GRIA4: variants seen among roughly 807,000 people sequenced by gnomAD.
The protein encoded by GRIA4 is glutamate ionotropic receptor AMPA type subunit 4, also known as glutamate receptor 4.
GRIA4 carries 34 observed loss-of-function variants against 104.0 expected under a neutral mutation model. The ratio of observed to expected loss-of-function variants is 0.33; its 90% CI spans 0.25 to 0.44. GRIA4 has a LOEUF of 0.44. GRIA4 is among the 20% of genes least tolerant of loss of function. GRIA4 has a pLI of 1.00. For synonymous variants in GRIA4, 386 were observed against 381.9 expected (o/e 1.01, Z -0.13); for missense variants, 750 against 1,096.5 (o/e 0.68, Z 4.46).
At chr11:105,934,789 T>G (rs1947983885) in intron 14 of GRIA4, among the ~76,000 whole-genome samples, 1 of 152,160 alleles carries the variant, frequency 6.6e-6, no homozygotes, top group Non-Finnish European at 1.5e-5. Flanking sequence ...GAGGCAGAAT[T>G]TCCTCTTTTC....
At chr11:105,751,951 A>G (rs1940023421) in intron 3 of GRIA4, among the ~76,000 whole-genome samples, 1 of 152,228 alleles carries the variant, frequency 6.6e-6, no homozygotes, top group African/African-American at 2.4e-5. Context: ...ACATAAGCCA[A>G]GAAGAAATAG....
chr11:105,797,096 C>G (rs1942508542), intron 4 of GRIA4, among the ~76,000 whole-genome samples: 1 of 152,062 alleles, frequency 6.6e-6, no homozygotes. Context: ...ATAGTCCCAG[C>G]TACTCCAGAG....
At chr11:105,616,644 G>T (rs1219398412) in intron 3 of GRIA4, among the ~76,000 whole-genome samples, 1 of 151,546 alleles carries the variant, frequency 6.6e-6, no homozygotes, top group East Asian at 1.9e-4. Context: ...CATTCTAAGA[G>T]TTTACACTGG....
intron 4 of GRIA4, among the ~76,000 whole-genome samples, chr11:105,783,637 T>G (rs1035552151): frequency 6.6e-6 from 1 of 152,148 alleles, no homozygotes; most frequent in African/African-American, 2.4e-5. Flanking sequence ...CAAAATACAT[T>G]GGATATTTTT....
At chr11:105,646,319 C>A (rs1236140066) in intron 3 of GRIA4, among the ~76,000 whole-genome samples, 1 of 152,078 alleles carries the variant, frequency 6.6e-6, no homozygotes, top group South Asian at 2.1e-4. Context: ...TCAAGATGGA[C>A]GTGGTGGCTC....
intron 3 of GRIA4, among the ~76,000 whole-genome samples, chr11:105,732,032 TAAG>T (rs1938628280): frequency 1.3e-5 from 2 of 151,828 alleles, no homozygotes; most frequent in South Asian, 4.2e-4. Flanking sequence ...TAATAAAAAA[TAAG>T]AAGGAGGTTA....
chr11:105,915,023 A>C (rs969367754), intron 10 of GRIA4, among the ~76,000 whole-genome samples: 12 of 152,044 alleles, frequency 7.9e-5, no homozygotes, highest in African/African-American at 2.9e-4. Flanking sequence ...AGCATGGGGG[A>C]AATGAGGAGG....
chr11:105,637,331 TA>T (rs1247973325), intron 3 of GRIA4, among the ~76,000 whole-genome samples: 1 of 152,224 alleles, frequency 6.6e-6, no homozygotes, highest in Non-Finnish European at 1.5e-5. Flanking sequence ...AATTTTATTA[TA>T]ATATAATTGC....
intron 3 of GRIA4, among the ~76,000 whole-genome samples, chr11:105,643,441 C>A (rs368163905): frequency 2.0e-5 from 3 of 152,148 alleles, no homozygotes; most frequent in Non-Finnish European, 2.9e-5. Context: ...ATTTAACCAG[C>A]TTTAAAGCTG....
intron 4 of GRIA4, among the ~76,000 whole-genome samples, chr11:105,820,721 A>C (rs551047077): frequency 2.0e-5 from 3 of 152,074 alleles, no homozygotes; most frequent in Admixed American, 6.6e-5. Context: ...GGTGATTCAT[A>C]GTCTATAGCA....
intron 4 of GRIA4, among the ~76,000 whole-genome samples, chr11:105,810,998 T>C (rs1405615754): frequency 2.6e-5 from 4 of 152,218 alleles, no homozygotes; most frequent in Non-Finnish European, 4.4e-5. Context: ...GCAATCCTTA[T>C]TGTAGTGCTA....
chr11:105,655,827 T>C (rs894303844), intron 3 of GRIA4, among the ~76,000 whole-genome samples: 2 of 152,210 alleles, frequency 1.3e-5, no homozygotes, highest in Non-Finnish European at 2.9e-5. Context: ...GAATGATTTA[T>C]AATCCTTTGA....
At chr11:105,753,565 A>G (rs141003517) in intron 4 of GRIA4, among the ~76,000 whole-genome samples, 70 of 152,260 alleles carry the variant, frequency 4.6e-4, no homozygotes, top group African/African-American at 1.6e-3. Flanking sequence ...GGTTATTCCC[A>G]TATGCCAGCT....
chr11:105,623,536 C>T (rs949674257), intron 3 of GRIA4, among the ~76,000 whole-genome samples: 5 of 152,032 alleles, frequency 3.3e-5, no homozygotes, highest in African/African-American at 1.2e-4. Context: ...GTCTTGTTCA[C>T]CATTCTGGGG....
intron 4 of GRIA4, among the ~76,000 whole-genome samples, chr11:105,797,494 C>A (rs754239681): frequency 4.6e-5 from 7 of 152,108 alleles, no homozygotes; most frequent in Non-Finnish European, 1.0e-4. Context: ...AATTACCACG[C>A]CCTAAAATCT....
chr11:105,646,846 A>G (rs969461416), intron 3 of GRIA4, among the ~76,000 whole-genome samples: 2 of 152,220 alleles, frequency 1.3e-5, no homozygotes. Flanking sequence ...ACCCTGGAAG[A>G]CAACCTAGGC....
At chr11:105,635,765 T>C (rs1442961340) in intron 3 of GRIA4, among the ~76,000 whole-genome samples, 1 of 152,214 alleles carries the variant, frequency 6.6e-6, no homozygotes, top group East Asian at 1.9e-4. Flanking sequence ...GGACAGACTT[T>C]GGCCTTGAAT....
intron 14 of GRIA4, among the ~76,000 whole-genome samples, chr11:105,939,203 T>G (rs1948124912): frequency 6.6e-6 from 1 of 152,222 alleles, no homozygotes; most frequent in Non-Finnish European, 1.5e-5. Context: ...CAGTATTTTT[T>G]AAGTCGTTCA....
chr11:105,695,460 CTGTG>C (rs745358395), intron 3 of GRIA4, among the ~76,000 whole-genome samples: 13 of 124,750 alleles, frequency 1.0e-4, no homozygotes, highest in African/African-American at 1.7e-4. Flanking sequence ...GTGTGTGTGT[CTGTG>C]TGTGTGTGTG....
Sources: allele counts gnomAD v4.1 joint callset (sites outside exome capture counted in the v4.1 genomes callset), GRCh38; gene constraint gnomAD v4.1.1; transcripts MANE v1.5; gene names NCBI Gene and HGNC (gene_info 2026-07-23, HGNC 2026-07-21).